The following TSC2 variants were observed in gnomAD, a reference collection of about 807,000 sequenced individuals.
TSC2 encodes TSC complex subunit 2.
TSC2 carries 29 observed loss-of-function variants against 202.2 expected under a neutral mutation model. The observed-to-expected ratio is 0.14, with a 90% CI of 0.11 to 0.20. The LOEUF (loss-of-function observed/expected upper bound fraction) is 0.20, where lower values mean the gene tolerates loss of function less well. Ranked by LOEUF, TSC2 falls within the 10% of genes least tolerant of loss-of-function variation. The probability of loss-of-function intolerance (pLI) is 1.00; values close to 1 mark genes in which losing one functional copy is unlikely to be tolerated. For synonymous variants in TSC2, 1,349 were observed against 1,044.0 expected, an observed-to-expected ratio of 1.29 and a Z score of -5.63; for missense variants, 2,429 against 2,420.0, an observed-to-expected ratio of 1.00 and a Z score of -0.08.
At position 2,056,192 on chromosome 16, in the gene TSC2, G is replaced by A. The variant is rs976201466; in HGVS notation, c.600-4G>A. The A allele has an allele frequency of 3.7e-6, 6 of 1,613,902 alleles. No individual in the cohort carries two copies. The highest frequency in any genetic ancestry group is 5.1e-6 in the Non-Finnish European group (6 of 1,180,038). The stretch of plus-strand genomic sequence containing the variant: ...GCCGGGACTGAGCTCGGTGCTCCCT[G>A]CAGGATGATCTGTCTGCTGTGCGTC... On this transcript the variant is annotated splice_region_variant and splice_polypyrimidine_tract_variant and intron_variant, in intron 6 of 41. Coordinates refer to ENST00000219476, the MANE Select transcript of TSC2 (RefSeq NM_000548.5).
chr16:2,086,622 G>A, intron 37 of TSC2, 110 bp from the exon 38 acceptor site: 8 of 1,537,496 alleles, frequency 5.2e-6, no homozygotes, highest in Non-Finnish European at 7.0e-6. Flanking sequence ...AGAGGACGTG[G>A]TCCCCGCAGG....
intron 6 of TSC2, chr16:2,055,750 G>A: frequency 2.0e-6 from 1 of 499,618 alleles, no homozygotes; most frequent in Non-Finnish European, 3.7e-6. Flanking sequence ...AATTAGCCGG[G>A]CATGGTGGTG....
Position 2,088,575 on chromosome 16 carries a change from A to G in TSC2, c.5389A>G (p.Ile1797Val). The G allele has an allele frequency of 2.5e-6, 4 of 1,609,150 alleles. No homozygotes were observed. The highest frequency in any genetic ancestry group is 3.4e-6 in the Non-Finnish European group (4 of 1,179,884). ...GYEVGQRKRL[I>V]SSVEDFTEFV is the part of the protein sequence containing the mutation. ...TGAGGTGGGCCAGCGGAAGCGCCTC[A>G]TCTCCTCGGTGGAGGACTTCACCGA... The change falls in exon 42 of 42, where the codon ATC becomes GTC. Residue 1797 changes from isoleucine (I) to valine (V), a missense_variant. Coordinates refer to ENST00000219476, the MANE Select transcript of TSC2 (RefSeq NM_000548.5).
rs115200071 is a variant in TSC2, at chr16:2,086,790, C to T, written c.4908C>T (p.Asp1636=). 818 of 1,611,574 alleles carry T rather than the reference C, an allele frequency of 5.1e-4. 5 individuals are homozygous for T. In the African/African-American group the frequency reaches 7.0e-3, roughly 14 times the overall value. Residue 1636 remains aspartate (D), a synonymous_variant, in exon 38 of 42, where the codon GAC becomes GAT. Transcript: ENST00000219476. Reference sequence around the variant, plus strand: ...AGGACGTGGACAAGCACCGCTGCGACAAGAAGCGCCACCTGGGCAACGACT... The same window carrying T: ...AGGACGTGGACAAGCACCGCTGCGATAAGAAGCGCCACCTGGGCAACGACT... ...PTKDVDKHRC[D]KKRHLGNDFV... is the part of the protein sequence containing the mutation.
At chr16:2,049,353 T>A (rs916442625) in intron 2 of TSC2, among the ~76,000 whole-genome samples, 1 of 151,854 alleles carries the variant, frequency 6.6e-6, no homozygotes, top group Non-Finnish European at 1.5e-5. Context: ...CCCAAAGTGC[T>A]GGGATTACAG....
rs1005336836 is a variant in TSC2, at chr16:2,079,699, A to G, written c.3397+30A>G. The stretch of plus-strand genomic sequence containing the variant: ...GCCTTGGCCCCAGCCACCTCCACAC[A>G]GGCACCGGGGCTCCCTCAGTTGCTG... On this transcript the variant is annotated intron_variant, in intron 29 of 41. Transcript: ENST00000219476. This position sits in a 1 kb window ranked among gnomAD's most constrained non-coding sequence, Gnocchi z 4.6. 4 of 1,548,692 alleles carry G rather than the reference A, an allele frequency of 2.6e-6. No homozygotes were observed. The highest frequency in any genetic ancestry group is 3.5e-6 in the Non-Finnish European group (4 of 1,146,230).
rs1394279685 is a variant in TSC2 at position 2,088,862 on chromosome 16, C to G, written c.*252C>G. 2 of 552,108 alleles carry G rather than the reference C, an allele frequency of 3.6e-6. No homozygotes were observed. The highest frequency in any genetic ancestry group is 6.4e-6 in the Non-Finnish European group (2 of 311,988). 34.2% of individuals were successfully genotyped at this position (552,108 alleles called of 1,614,324 possible). A position where few individuals can be genotyped will look rare whatever the true frequency, so the allele number is the denominator to read the frequency against. On this transcript the variant is annotated 3_prime_UTR_variant, in exon 42 of 42. Transcript: ENST00000219476. ...TTGAGGCTGCCTGGGCCATACAGCACACTCGCGCGTGCGCGCGCGCACACA... is the reference window on the plus strand; with the variant it reads ...TTGAGGCTGCCTGGGCCATACAGCAGACTCGCGCGTGCGCGCGCGCACACA...
At chr16:2,081,357 G>A in intron 30 of TSC2, 4 of 588,776 alleles carry the variant, frequency 6.8e-6, no homozygotes, top group South Asian at 1.9e-5. Flanking sequence ...CTGTGAGGCT[G>A]TGGGCTGGAG....
Position 2,088,118 on chromosome 16 carries a change from C to T in TSC2, c.5139C>T (p.Arg1713=), listed in dbSNP as rs144994814. 1 of 1,612,978 alleles carries T rather than the reference C, an allele frequency of 6.2e-7. No individual in the cohort carries two copies. The highest frequency in any genetic ancestry group is 1.1e-5 in the South Asian group (1 of 91,088). Residue 1713 remains arginine, a synonymous_variant, in exon 40 of 42, where the codon CGC becomes CGT. Transcript: ENST00000219476. Reference sequence around the variant, plus strand: ...ACCGCAACCTGCCCTTCGTGGCCCGCCAGATGGCCCTGCACGCAAATGTGA... The same window carrying T: ...ACCGCAACCTGCCCTTCGTGGCCCGTCAGATGGCCCTGCACGCAAATGTGA... ...VSDRNLPFVA[R]QMALHANMAS...
intron 4 of TSC2, 57 bp from the exon 5 acceptor site, chr16:2,054,239 G>C (rs2085489214): frequency 6.2e-7 from 1 of 1,613,090 alleles, no homozygotes; most frequent in South Asian, 1.1e-5. Context: ...GGGACTTCTT[G>C]GCAGCCGTGT....
Position 2,076,156 on chromosome 16 carries a change from C to G in TSC2, c.2728C>G (p.Pro910Ala), listed in dbSNP as rs1319146226. 1 of 1,613,582 alleles carries G rather than the reference C, an allele frequency of 6.2e-7. No individual in the cohort carries two copies. The highest frequency in any genetic ancestry group is 8.5e-7 in the Non-Finnish European group (1 of 1,180,018). ...CCTGCCCTTCCGGAAGGATTTTGTC[C>G]CTTTCATCACTAAGGTGGGCTCAGG... is the stretch of plus-strand genomic sequence containing the variant. ...CRLPFRKDFVPFITKGLRSNV... is the reference protein window; with the variant it reads ...CRLPFRKDFVAFITKGLRSNV... The change falls in exon 24 of 42, where the codon CCT becomes GCT. Residue 910 changes from proline (P) to alanine (A), a missense_variant. Coordinates refer to ENST00000219476, the MANE Select transcript of TSC2 (RefSeq NM_000548.5).
chr16:2,054,576 C>T (rs927124030), intron 5 of TSC2, 136 bp downstream of exon 5: 4 of 1,279,518 alleles, frequency 3.1e-6, no homozygotes, highest in East Asian at 2.3e-5. Flanking sequence ...CTGCTTCATG[C>T]ACCTGGGCTC....
intron 16 of TSC2, chr16:2,068,872 CAAAAAAAAAAA>C (rs71148120): frequency 2.2e-5 from 2 of 90,234 alleles, no homozygotes; most frequent in Non-Finnish European, 4.2e-5. Context: ...GACTCCGTCT[CAAAAAAAAAAA>C]AAAAAAAAAA....
chr16:2,054,976 G>A (rs2085584240), intron 5 of TSC2: 9 of 342,136 alleles, frequency 2.6e-5, no homozygotes, highest in South Asian at 1.8e-4. Context: ...GACAGGTGCC[G>A]GCCAGGTGCC....
At position 2,089,348 on chromosome 16, in the gene TSC2, G is replaced by A. The variant is rs1442160215; in HGVS notation, c.*738G>A. On this transcript the variant is annotated 3_prime_UTR_variant, in exon 42 of 42. Coordinates refer to ENST00000219476, the MANE Select transcript of TSC2 (RefSeq NM_000548.5). ...GGAACTGGAGAGGTAATAACTTAGG[G>A]GCAGGGTGGCGGCGGTGCAGGCTAA... 4 of 341,246 alleles carry A rather than the reference G, an allele frequency of 1.2e-5. No homozygotes were observed. Among genetic ancestry groups the A allele is most frequent in the East Asian group, 1.2e-4 (2 of 17,260 alleles). The allele number at this position is 341,246 out of a possible 1,614,324, so 21.1% of individuals were successfully genotyped here. A position where few individuals can be genotyped will look rare whatever the true frequency, so the allele number is the denominator to read the frequency against.
chr16:2,087,090 T>A, intron 38 of TSC2: 1 of 682,598 alleles, frequency 1.5e-6, no homozygotes, highest in Non-Finnish European at 2.5e-6. Context: ...CTGTCAGGAG[T>A]AACTGGCAAG....
At chr16:2,077,810 A>C in intron 26 of TSC2, 84 bp downstream of exon 26, 1 of 1,594,010 alleles carries the variant, frequency 6.3e-7, no homozygotes, top group Non-Finnish European at 8.5e-7. Context: ...GGCTGCTTGC[A>C]TGACCTCATC....
At position 2,050,527 on chromosome 16, in the gene TSC2, A is replaced by G. The variant is rs1567387351; in HGVS notation, c.225+41A>G. On this transcript the variant is annotated intron_variant, in intron 3 of 41. Transcript: ENST00000219476. ...TGAGCTACTAGAGAGAGGCACGTAGACTATTCAGAGCCTGAGTTTGCTTTT... is the reference window on the plus strand; with the variant it reads ...TGAGCTACTAGAGAGAGGCACGTAGGCTATTCAGAGCCTGAGTTTGCTTTT... 4 of 1,573,874 alleles carry G rather than the reference A, an allele frequency of 2.5e-6. No individual in the cohort carries two copies. The South Asian group carries it at 4.4e-5, about 17-fold the overall frequency.
intron 26 of TSC2, chr16:2,078,585 A>G (rs1169289349): frequency 7.9e-6 from 2 of 253,706 alleles, no homozygotes; most frequent in Middle Eastern, 1.4e-3. Context: ...TGTGGAGCTC[A>G]GGCAGCCGCT....
Sources: gnomAD v4.1 joint callset for allele counts (sites outside exome capture counted in the v4.1 genomes callset) on GRCh38, gnomAD v4.1.1 for gene constraint, Gnocchi (gnomAD v3.1) non-coding constraint, MANE v1.5 for transcripts, NCBI Gene and HGNC (gene_info 2026-07-23, HGNC 2026-07-21) for gene names.